Variants in CALCRL observed in about 807,000 individuals in gnomAD.
The protein encoded by CALCRL is calcitonin receptor like receptor, also known as calcitonin gene-related peptide type 1 receptor.
A neutral mutation model predicts 60.4 loss-of-function variants in CALCRL; 27 were observed. That is an observed-to-expected ratio of 0.45 (90% CI 0.33 to 0.62). The LOEUF (loss-of-function observed/expected upper bound fraction) is 0.62, where lower values mean the gene tolerates loss of function less well. Ranked by LOEUF, CALCRL falls within the 20% of genes least tolerant of loss-of-function variation. The probability of loss-of-function intolerance (pLI) is 0.03; values close to 1 mark genes in which losing one functional copy is unlikely to be tolerated. For missense variants in CALCRL, 424 were observed against 540.7 expected (o/e 0.78, Z 2.14); for synonymous variants, 190 against 182.6 (o/e 1.04, Z -0.33).
intron 9 of CALCRL, among the ~76,000 whole-genome samples, chr2:187,362,956 C>T (rs551176804): frequency 2.6e-5 from 4 of 152,020 alleles, no homozygotes; most frequent in African/African-American, 4.8e-5. Flanking sequence ...TTTCGAATTA[C>T]GCAGAGTTCA....
intron 12 of CALCRL, among the ~76,000 whole-genome samples, chr2:187,354,447 C>T (rs764722282): frequency 2.0e-5 from 3 of 151,964 alleles, no homozygotes; most frequent in Non-Finnish European, 4.4e-5. Context: ...TCCAGTACCA[C>T]CCTGCTCACA....
chr2:187,352,321 A>G lies in CALCRL; in HGVS notation c.921T>C (p.Phe307=), dbSNP rs979696720. 4 of 1,605,832 alleles carry G rather than the reference A, an allele frequency of 2.5e-6. No individual in the cohort carries two copies. The African/African-American group carries it at 5.4e-5, about 22-fold the overall frequency. Residue 307 remains phenylalanine, a synonymous_variant, in exon 13 of 15, where the codon TTT becomes TTC. Transcript: ENST00000392370. The part of the protein sequence containing the change: ...PICAALLVNL[F]FLLNIVRVLI... ...GAACGCGTACAATATTTAACAAGAA[A>G]AAAAGATTCACCTAAAAACGAAATT...
At chr2:187,436,343 A>G (rs1690643601) in intron 1 of CALCRL, among the ~76,000 whole-genome samples, 1 of 152,130 alleles carries the variant, frequency 6.6e-6, no homozygotes, top group Non-Finnish European at 1.5e-5. Flanking sequence ...AGAGATTTTC[A>G]CTTTACCAAA....
chr2:187,444,646 A>G (rs568543438), intron 1 of CALCRL, among the ~76,000 whole-genome samples: 90 of 151,676 alleles, frequency 5.9e-4, no homozygotes, highest in Admixed American at 4.1e-3. Context: ...CCTGATAATA[A>G]TTCTAGTAAC....
chr2:187,346,796 G>A (rs1046461301), intron 14 of CALCRL, among the ~76,000 whole-genome samples: 9 of 151,582 alleles, frequency 5.9e-5, no homozygotes, highest in Admixed American at 2.0e-4. Context: ...CAGGATAAGC[G>A]AAAGATACAC....
At chr2:187,376,089 C>T (rs1176973360) in intron 8 of CALCRL, among the ~76,000 whole-genome samples, 1 of 152,098 alleles carries the variant, frequency 6.6e-6, no homozygotes, top group African/African-American at 2.4e-5. Flanking sequence ...TATTCAAGTA[C>T]TGTTTCATTC....
At chr2:187,416,805 G>A (rs1291612396) in intron 1 of CALCRL, among the ~76,000 whole-genome samples, 1 of 151,958 alleles carries the variant, frequency 6.6e-6, no homozygotes, top group African/African-American at 2.4e-5. Flanking sequence ...AAAAAATGTG[G>A]CAAGTTGCAA....
chr2:187,364,633 AG>A (rs1314111269), intron 8 of CALCRL, among the ~76,000 whole-genome samples: 1 of 152,190 alleles, frequency 6.6e-6, no homozygotes, highest in Non-Finnish European at 1.5e-5. Context: ...TATTGGAATT[AG>A]GGTGGGATGC....
rs539217011 is a variant in CALCRL at position 187,345,266 on chromosome 2, T to A, written c.*918A>T. ...AAATAATGGAGTATTTACAAGCTCA[T>A]TTTTCACAATTTCTTTTTACAAAAT... is the stretch of plus-strand genomic sequence containing the variant. On this transcript the variant is annotated 3_prime_UTR_variant, in exon 15 of 15. Coordinates refer to ENST00000392370, the MANE Select transcript of CALCRL (RefSeq NM_005795.6). 57 of 152,366 alleles carry A rather than the reference T, an allele frequency of 3.7e-4. 1 individual carries two copies. The highest frequency in any genetic ancestry group is 1.3e-3 in the African/African-American group (56 of 41,524). 9.4% of individuals were successfully genotyped at this position (152,366 alleles called of 1,614,324 possible). A position where few individuals can be genotyped will look rare whatever the true frequency, so the allele number is the denominator to read the frequency against.
chr2:187,406,697 G>A (rs1689146248), intron 1 of CALCRL, among the ~76,000 whole-genome samples: 1 of 151,968 alleles, frequency 6.6e-6, no homozygotes, highest in African/African-American at 2.4e-5. Flanking sequence ...AAAAGATGTG[G>A]TTTGGTCACT....
intron 1 of CALCRL, among the ~76,000 whole-genome samples, chr2:187,390,304 G>GTA (rs1352444012): frequency 6.6e-6 from 1 of 151,988 alleles, no homozygotes; most frequent in Non-Finnish European, 1.5e-5. Context: ...CTGAATAAAA[G>GTA]TATATATATT....
chr2:187,353,649 A>G (rs1335976519), intron 12 of CALCRL, among the ~76,000 whole-genome samples: 2 of 152,044 alleles, frequency 1.3e-5, no homozygotes, highest in Non-Finnish European at 2.9e-5. Flanking sequence ...AAGCAGAATA[A>G]GCCATTTCAA....
chr2:187,425,428 A>G (rs750187791), intron 1 of CALCRL, among the ~76,000 whole-genome samples: 1 of 152,060 alleles, frequency 6.6e-6, no homozygotes, highest in Middle Eastern at 3.4e-3. Context: ...CCCATTTGGT[A>G]TCTTCCACCC....
At chr2:187,418,955 G>A (rs527425284) in intron 1 of CALCRL, among the ~76,000 whole-genome samples, 49 of 145,986 alleles carry the variant, frequency 3.4e-4, no homozygotes, top group Middle Eastern at 3.3e-3. Flanking sequence ...TCCCAGGTTC[G>A]AGCTATTTCC....
At chr2:187,412,994 CT>C (rs1689431258) in intron 1 of CALCRL, among the ~76,000 whole-genome samples, 1 of 152,136 alleles carries the variant, frequency 6.6e-6, no homozygotes, top group Admixed American at 6.5e-5. Flanking sequence ...GCTTTGTTCT[CT>C]GCAAACTTTC....
At chr2:187,402,058 TTTAAAAATTG>T (rs1432935048) in intron 1 of CALCRL, among the ~76,000 whole-genome samples, 1 of 151,630 alleles carries the variant, frequency 6.6e-6, no homozygotes, top group Non-Finnish European at 1.5e-5. Context: ...AAATGCACAC[TTTAAAAATTG>T]TTATTTTTAT....
At chr2:187,446,521 A>G (rs1319899212) in intron 1 of CALCRL, among the ~76,000 whole-genome samples, 1 of 151,796 alleles carries the variant, frequency 6.6e-6, no homozygotes, top group Non-Finnish European at 1.5e-5. Flanking sequence ...AGAGTTTCTC[A>G]TTATAAAATA....
intron 3 of CALCRL, among the ~76,000 whole-genome samples, chr2:187,386,689 A>C (rs1026328919): frequency 3.9e-5 from 6 of 152,252 alleles, no homozygotes; most frequent in African/African-American, 1.4e-4. Context: ...ACATATTTTC[A>C]GGATGTAGCC....
chr2:187,438,077 T>C (rs986137885), intron 1 of CALCRL, among the ~76,000 whole-genome samples: 9 of 152,288 alleles, frequency 5.9e-5, no homozygotes, highest in African/African-American at 2.2e-4. Context: ...ACATTTCTGG[T>C]AAATGAATAA....
Sources: gnomAD v4.1 joint callset for allele counts (sites outside exome capture counted in the v4.1 genomes callset) on GRCh38, gnomAD v4.1.1 for gene constraint, MANE v1.5 for transcripts, NCBI Gene and HGNC (gene_info 2026-07-23, HGNC 2026-07-21) for gene names.